Variants in MYH3 observed in about 807,000 individuals in gnomAD.
MYH3 encodes the protein myosin heavy chain 3.
In MYH3, 130 loss-of-function variants were observed where a neutral mutation model predicts 238.0. The ratio of observed to expected loss-of-function variants is 0.55; its 90% CI spans 0.47 to 0.63. The LOEUF is 0.63. Among genes scored for constraint, MYH3 ranks in the 30% least tolerant of loss-of-function variants. The pLI is 0.00. For synonymous variants in MYH3, 880 were observed against 924.1 expected (o/e 0.95, Z 0.86); for missense variants, 1,853 against 2,374.9 (o/e 0.78, Z 4.57).
chr17:10,665,277 G>C, the MYH3 span, among the ~76,000 whole-genome samples: 1 of 152,062 alleles, frequency 6.6e-6, no homozygotes, highest in African/African-American at 2.4e-5. Flanking sequence ...CGAGTAGCTG[G>C]AATTACAGGC....
At chr17:10,669,754 C>CA in the MYH3 span, among the ~76,000 whole-genome samples, 1 of 151,806 alleles carries the variant, frequency 6.6e-6, no homozygotes, top group Middle Eastern at 3.4e-3. Flanking sequence ...AAATAAAAAA[C>CA]AAAAAAATCA....
chr17:10,638,484 CTGAT>C (rs1316627026), intron 26 of MYH3, 52 bp from the exon 27 acceptor site: 1 of 1,597,818 alleles, frequency 6.3e-7, no homozygotes, highest in African/African-American at 1.3e-5. Context: ...CGCGGGGACT[CTGAT>C]TGCCAAGAAC....
rs1467782164 is a variant in MYH3, at chr17:10,639,553, AG to A, written c.2925+6del. The A allele has an allele frequency of 6.2e-7, 1 of 1,614,156 alleles. No individual in the cohort carries two copies. ...TATCAAGCTAGACACACCTACAATA[AG>A]AATACCTTGTTCTCTGTGGCATGCT... On this transcript the variant is annotated splice_donor_region_variant and intron_variant, in intron 23 of 40. Transcript: ENST00000583535.
chr17:10,630,253 A>G, intron 37 of MYH3, 35 bp downstream of exon 37: 1 of 1,603,504 alleles, frequency 6.2e-7, no homozygotes, highest in Non-Finnish European at 8.5e-7. Flanking sequence ...GGAGGCTGGA[A>G]AGCTCAGCGC....
At chr17:10,662,169 G>A (rs906560233), upstream of MYH3, among the ~76,000 whole-genome samples, 2 of 151,918 alleles carry the variant, frequency 1.3e-5, no homozygotes, top group African/African-American at 2.4e-5. Context: ...TTAGAGGGAG[G>A]TGCCCCCATG....
intron 31 of MYH3, 33 bp from the exon 32 acceptor site, chr17:10,634,215 T>G: frequency 6.2e-7 from 1 of 1,613,268 alleles, no homozygotes; most frequent in Non-Finnish European, 8.5e-7. Flanking sequence ...TCTCCGTTTC[T>G]GAGCTCTCCT....
upstream of MYH3, among the ~76,000 whole-genome samples, chr17:10,661,218 C>CT (rs2074478149): frequency 1.4e-5 from 2 of 144,046 alleles, no homozygotes; most frequent in Admixed American, 1.5e-4. Context: ...CTCAGGTGAT[C>CT]TACCTGCCTC....
chr17:10,638,223 T>G lies in MYH3; in HGVS notation c.3549A>C (p.Thr1183=), dbSNP rs775645854. 9.9e-6 allele frequency: 16 copies of G among 1,613,870 alleles called. No homozygotes were observed. The highest frequency in any genetic ancestry group is 1.4e-5 in the Non-Finnish European group (16 of 1,179,962). Residue 1183 remains threonine (T), a synonymous_variant, in exon 27 of 41, where the codon ACA becomes ACC. Transcript: ENST00000583535. ...CGGCCACCATGGCTTCGTGCTGCAG[T>G]GTGGCCTCCTCCAGGTCCCTGCGCA... ...LKLRRDLEEA[T]LQHEAMVAAL... is the part of the protein sequence containing the mutation.
chr17:10,668,672 C>G, the MYH3 span, among the ~76,000 whole-genome samples: 1 of 152,198 alleles, frequency 6.6e-6, no homozygotes, highest in African/African-American at 2.4e-5. Flanking sequence ...ACGCAGGACA[C>G]TGTTGCTTAC....
chr17:10,656,763 G>A (rs184166407), intron 1 of MYH3, among the ~76,000 whole-genome samples: 1 of 152,108 alleles, frequency 6.6e-6, no homozygotes, highest in South Asian at 2.1e-4. Flanking sequence ...TCAACAGTTC[G>A]AGGGCAGGGG....
the MYH3 span, among the ~76,000 whole-genome samples, chr17:10,668,565 T>TG: frequency 6.6e-6 from 1 of 152,146 alleles, no homozygotes; most frequent in Non-Finnish European, 1.5e-5. Context: ...ATGAGACATT[T>TG]GGGGGACAAA....
At chr17:10,628,772 T>C in intron 40 of MYH3, 93 bp from the exon 41 acceptor site, 1 of 1,337,366 alleles carries the variant, frequency 7.5e-7, no homozygotes, top group Non-Finnish European at 1.1e-6. Context: ...GTTGCTTGCC[T>C]ACTTCAGTGG....
chr17:10,651,997 T>C, intron 4 of MYH3: 1 of 391,922 alleles, frequency 2.6e-6, no homozygotes, highest in Non-Finnish European at 4.8e-6. Context: ...CGCCTTACCC[T>C]CCCAAAGTGC....
At chr17:10,631,010 T>C (rs2074150914) in intron 36 of MYH3, among the ~76,000 whole-genome samples, 1 of 152,156 alleles carries the variant, frequency 6.6e-6, no homozygotes. Flanking sequence ...GGGAAACAGT[T>C]TCTTCCCTTT....
In MYH3 at chr17:10,639,447, C is replaced by T. The variant is rs773813060; in HGVS notation, c.2953G>A (p.Gly985Arg). 3.7e-6 allele frequency: 6 copies of T among 1,613,978 alleles called. No individual in the cohort carries two copies. Among genetic ancestry groups the T allele is most frequent in the Admixed American group, 1.7e-5 (1 of 59,988 alleles). ...KVKNLTEELS[G>R]LDETIAKLTR... ...AACTTTGCAATTGTTTCATCTAACC[C>T]AGAGAGTTCCTCAGTAAGGTTTTTA... Residue 985 changes from glycine to arginine, a missense_variant, in exon 24 of 41, where the codon GGG becomes AGG. Gly to Arg is a moderately radical substitution (Grantham distance 125, BLOSUM62 -2). This residue lies in a region of MYH3 where 1,044 missense variants were observed against 1,192.6 expected (regional missense o/e 0.88). Coordinates refer to ENST00000583535, the MANE Select transcript of MYH3 (RefSeq NM_002470.4).
upstream of MYH3, among the ~76,000 whole-genome samples, chr17:10,661,267 G>A (rs188615613): frequency 5.3e-4 from 64 of 120,010 alleles, no homozygotes; most frequent in African/African-American, 1.7e-3. Context: ...GTGAGCCACC[G>A]CACCCAGCCT....
At chr17:10,640,734 A>G in intron 19 of MYH3, 48 bp from the exon 20 acceptor site, 18 of 1,599,810 alleles carry the variant, frequency 1.1e-5, no homozygotes, top group Non-Finnish European at 1.5e-5. Flanking sequence ...CAAAGACACA[A>G]ACCTTGGAGA....
the MYH3 span, among the ~76,000 whole-genome samples, chr17:10,663,161 CCAGA>C: frequency 1.3e-5 from 2 of 152,044 alleles, no homozygotes; most frequent in African/African-American, 2.4e-5. Context: ...ATTTTACGTG[CCAGA>C]CACAGAACCC....
At chr17:10,638,461 G>T (rs1340727289) in intron 26 of MYH3, 29 bp from the exon 27 acceptor site, 1 of 1,599,464 alleles carries the variant, frequency 6.3e-7, no homozygotes, top group Admixed American at 1.7e-5. Flanking sequence ...CACCCCGTGG[G>T]CAGTGGGTTC....
Sources: gnomAD v4.1 joint callset for allele counts (sites outside exome capture counted in the v4.1 genomes callset) on GRCh38, gnomAD v4.1.1 for gene constraint, gnomAD v4.1.1 regional missense constraint, MANE v1.5 for transcripts, NCBI Gene and HGNC (gene_info 2026-07-23, HGNC 2026-07-21) for gene names.